The following RAB30 variants were observed in gnomAD, a reference collection of about 807,000 sequenced individuals.
RAB30 encodes ras-related protein Rab-30.
In RAB30, 9 loss-of-function variants were observed where a neutral mutation model predicts 25.1. The observed-to-expected ratio is 0.36, with a 90% confidence interval of 0.22 to 0.63. The LOEUF (loss-of-function observed/expected upper bound fraction) is 0.63, where lower values mean the gene tolerates loss of function less well. Among genes scored for constraint, RAB30 ranks in the 20% least tolerant of loss-of-function variants. The pLI, the probability that RAB30 is intolerant of heterozygous loss-of-function variation, is 0.69. For synonymous variants in RAB30, 77 were observed against 86.4 expected, an observed-to-expected ratio of 0.89 and a Z score of 0.60; for missense variants, 140 against 243.5, an observed-to-expected ratio of 0.58 and a Z score of 2.83.
chr11:83,043,594 A>C (rs147534224), intron 1 of RAB30, among the ~76,000 whole-genome samples: 23 of 152,340 alleles, frequency 1.5e-4, no homozygotes, highest in African/African-American at 5.5e-4. Flanking sequence ...ACTTAGGAGA[A>C]TACTGATATA....
At chr11:83,004,988 T>C (rs950477316) in intron 1 of RAB30, among the ~76,000 whole-genome samples, 1 of 152,164 alleles carries the variant, frequency 6.6e-6, no homozygotes, top group African/African-American at 2.4e-5. Flanking sequence ...GCTGCTAATT[T>C]CATGTTATTG....
At chr11:83,061,350 C>A (rs1402718853) in intron 1 of RAB30, among the ~76,000 whole-genome samples, 1 of 152,102 alleles carries the variant, frequency 6.6e-6, no homozygotes, top group African/African-American at 2.4e-5. Flanking sequence ...AACTAAAGAA[C>A]ACAACTGTAT....
At chr11:83,017,418 G>C (rs1325023517) in intron 1 of RAB30, among the ~76,000 whole-genome samples, 1 of 152,060 alleles carries the variant, frequency 6.6e-6, no homozygotes, top group African/African-American at 2.4e-5. Context: ...TGGGGAACAG[G>C]TGGTTTTTTG....
chr11:82,993,756 AAG>A (rs1420075243), intron 3 of RAB30, among the ~76,000 whole-genome samples: 1 of 152,200 alleles, frequency 6.6e-6, no homozygotes, highest in Non-Finnish European at 1.5e-5. Flanking sequence ...GAGATCCAAA[AAG>A]AAATTTCTTC....
At chr11:83,015,550 G>T (rs2121504073) in intron 1 of RAB30, among the ~76,000 whole-genome samples, 1 of 152,320 alleles carries the variant, frequency 6.6e-6, no homozygotes, top group Middle Eastern at 3.4e-3. Flanking sequence ...AGACATCTAT[G>T]TGGACATGAA....
At chr11:83,019,574 T>C (rs1201109687) in intron 1 of RAB30, among the ~76,000 whole-genome samples, 2 of 152,152 alleles carry the variant, frequency 1.3e-5, no homozygotes, top group African/African-American at 2.4e-5. Context: ...CCAGTTTGCT[T>C]CTTCCTTCAG....
intron 1 of RAB30, among the ~76,000 whole-genome samples, chr11:83,058,639 C>T (rs1420221993): frequency 6.6e-6 from 1 of 152,256 alleles, no homozygotes; most frequent in Non-Finnish European, 1.5e-5. Flanking sequence ...CTGGTGTAAA[C>T]GTTGATCACT....
chr11:83,006,154 T>C (rs1466218445), intron 1 of RAB30, among the ~76,000 whole-genome samples: 1 of 152,294 alleles, frequency 6.6e-6, no homozygotes, highest in African/African-American at 2.4e-5. Context: ...GCAACCTCTA[T>C]GGAGAGCACT....
rs956019133 is a variant in RAB30 at position 82,990,765 on chromosome 11, AT to A, written c.178-2996del. Among the ~76,000 whole-genome samples, 31 of 151,874 alleles carry A rather than the reference AT, an allele frequency of 2.0e-4. No homozygotes were observed. The Middle Eastern group carries it at 0.017, about 83-fold the overall frequency. ...TATGAGAAAGTTCTGTGTTTTTTCC[AT>A]TTTTTTTATTCTGCTAAAACATACA... On this transcript the variant is annotated intron_variant, in intron 3 of 4. Coordinates refer to ENST00000527633, the MANE Select transcript of RAB30 (RefSeq NM_001286060.2).
Position 83,044,880 on chromosome 11 carries a change from A to G in RAB30, c.-9+26811T>C, listed in dbSNP as rs551165671. Among the ~76,000 whole-genome samples the G allele has an allele frequency of 1.2e-4, 18 of 152,340 alleles. 2 individuals are homozygous for G. The South Asian group carries it at 3.3e-3, about 28-fold the overall frequency. ...GCTGTGCAAAAGGCAGGTACCACAT[A>G]CAGAGAGAATCTTCCAGTTATCTCT... On this transcript the variant is annotated intron_variant, in intron 1 of 4. Coordinates refer to ENST00000527633, the MANE Select transcript of RAB30 (RefSeq NM_001286060.2).
In RAB30 at chr11:82,980,295, G is replaced by A. The variant is rs764009699; in HGVS notation, c.*1870C>T. 6.6e-6 allele frequency: 1 copy of A among 152,086 alleles called. No individual in the cohort carries two copies. Among genetic ancestry groups the A allele is most frequent in the Non-Finnish European group, 1.5e-5 (1 of 68,020 alleles). The allele number at this position is 152,086 out of a possible 1,614,324, so 9.4% of individuals were successfully genotyped here. ...AAAAGAAAAACAAGTCAAACTTCTG[G>A]GATGCCTTTCTCTTTCCCACAGGAT... On this transcript the variant is annotated 3_prime_UTR_variant, in exon 5 of 5. Coordinates refer to ENST00000527633, the MANE Select transcript of RAB30 (RefSeq NM_001286060.2).
At position 82,980,111 on chromosome 11, in the gene RAB30, A is replaced by C. The variant is rs1856613489; in HGVS notation, c.*2054T>G. 6.6e-6 allele frequency: 1 copy of C among 152,230 alleles called. No homozygotes were observed. The highest frequency in any genetic ancestry group is 2.1e-4 in the South Asian group (1 of 4,836). The allele number at this position is 152,230 out of a possible 1,614,324, so 9.4% of individuals were successfully genotyped here. On this transcript the variant is annotated 3_prime_UTR_variant, in exon 5 of 5. Coordinates refer to ENST00000527633, the MANE Select transcript of RAB30 (RefSeq NM_001286060.2). ...TCTAAACTTAGGAACATTTTCTTAC[A>C]GTTTAAAAAAAATTCTTCTGCCCTC...
Position 83,057,860 on chromosome 11 carries a change from T to C in RAB30, c.-9+13831A>G, listed in dbSNP as rs375252274. On this transcript the variant is annotated intron_variant, in intron 1 of 4. Coordinates refer to ENST00000527633, the MANE Select transcript of RAB30 (RefSeq NM_001286060.2). The stretch of plus-strand genomic sequence containing the variant: ...TGGATTCAGAACAATACTGTCACCA[T>C]ATGCCACAGGCCAATTTTAATTTGG... Among the ~76,000 whole-genome samples, 8 of 152,350 alleles carry C rather than the reference T, an allele frequency of 5.3e-5. No homozygotes were observed. The South Asian group carries it at 8.3e-4, about 16-fold the overall frequency.
In RAB30 at chr11:83,002,632, C is replaced by G. The variant is rs1256188428; in HGVS notation, c.-8-5308G>C. 2.0e-5 allele frequency among the ~76,000 whole-genome samples: 3 copies of G among 152,236 alleles called. No individual in the cohort carries two copies. In the South Asian group the frequency reaches 6.2e-4, roughly 32 times the overall value. Reference sequence around the variant, plus strand: ...CAATGTGAATTTGGCAACATTTAAACCATTCTTTAAAAGTGGCCTTTACCA... The same window carrying G: ...CAATGTGAATTTGGCAACATTTAAAGCATTCTTTAAAAGTGGCCTTTACCA... On this transcript the variant is annotated intron_variant, in intron 1 of 4. Coordinates refer to ENST00000527633, the MANE Select transcript of RAB30 (RefSeq NM_001286060.2).
At chr11:83,022,534 T>C (rs1490458341) in intron 1 of RAB30, among the ~76,000 whole-genome samples, 3 of 152,232 alleles carry the variant, frequency 2.0e-5, no homozygotes, top group Non-Finnish European at 4.4e-5. Context: ...TTCCATTAAC[T>C]TCCAATAATG....
chr11:83,034,571 G>C (rs1194000299), intron 1 of RAB30: 2 of 152,016 alleles, frequency 1.3e-5, no homozygotes, highest in African/African-American at 4.8e-5. Flanking sequence ...TTATGAAACA[G>C]TCATTTAAAA....
intron 1 of RAB30, among the ~76,000 whole-genome samples, chr11:83,035,918 C>A (rs1857977032): frequency 6.6e-6 from 1 of 152,156 alleles, no homozygotes; most frequent in Non-Finnish European, 1.5e-5. Context: ...ATTAATGAGG[C>A]TGAAACTTGA....
chr11:83,068,230 G>A (rs188539760), intron 1 of RAB30, among the ~76,000 whole-genome samples: 93 of 151,706 alleles, frequency 6.1e-4, no homozygotes, highest in African/African-American at 2.0e-3. Context: ...CCTGGGAGGC[G>A]GAGGTTGCAA....
At chr11:83,071,518 T>C (rs1858846616) in intron 1 of RAB30, 173 bp downstream of exon 1, 1 of 151,962 alleles carries the variant, frequency 6.6e-6, no homozygotes, top group African/African-American at 2.4e-5. Context: ...TTGCTGGAGT[T>C]GTTCTTTGCA....
Sources: gnomAD v4.1 joint callset for allele counts (sites outside exome capture counted in the v4.1 genomes callset) on GRCh38, gnomAD v4.1.1 for gene constraint, MANE v1.5 for transcripts, NCBI Gene and HGNC (gene_info 2026-07-23, HGNC 2026-07-21) for gene names.